ADGRV1: variants seen among roughly 807,000 people sequenced by gnomAD.
ADGRV1 encodes the protein G-protein coupled receptor 98.
A neutral mutation model predicts 596.2 loss-of-function variants in ADGRV1; 359 were observed. That is an observed-to-expected ratio of 0.60 (90% CI 0.55 to 0.66). ADGRV1 has a LOEUF of 0.66. Ranked by LOEUF, ADGRV1 falls within the 30% of genes least tolerant of loss-of-function variation. ADGRV1 has a pLI of 0.00. For synonymous variants in ADGRV1, 2,681 were observed against 2,679.2 expected (o/e 1.00, Z -0.02); for missense variants, 7,274 against 7,575.6 (o/e 0.96, Z 1.48).
At chr5:90,958,149 G>GGT (rs145446053) in intron 83 of ADGRV1, among the ~76,000 whole-genome samples, 3,090 of 151,644 alleles carry the variant, frequency 0.02, 110 homozygotes, top group African/African-American at 0.07. Context: ...ACAGGCCAGT[G>GGT]GTGCATGCCT....
At chr5:91,113,647 A>C (rs933592703) in intron 87 of ADGRV1, among the ~76,000 whole-genome samples, 1 of 152,222 alleles carries the variant, frequency 6.6e-6, no homozygotes, top group Non-Finnish European at 1.5e-5. Flanking sequence ...GGCTGGGTGC[A>C]GTGGCTCATG....
intron 87 of ADGRV1, among the ~76,000 whole-genome samples, chr5:91,138,154 C>A (rs1361308003): frequency 6.6e-6 from 1 of 151,912 alleles, no homozygotes; most frequent in Non-Finnish European, 1.5e-5. Context: ...TAGTGATTGC[C>A]CAACCATAAA....
At chr5:90,752,419 T>A (rs1449324053) in intron 53 of ADGRV1, among the ~76,000 whole-genome samples, 2 of 152,142 alleles carry the variant, frequency 1.3e-5, no homozygotes, top group African/African-American at 2.4e-5. Context: ...CTAGTACCCA[T>A]CAGTTATTTT....
intron 1 of ADGRV1, among the ~76,000 whole-genome samples, chr5:90,591,856 A>G (rs1759549592): frequency 6.6e-6 from 1 of 152,242 alleles, no homozygotes; most frequent in Non-Finnish European, 1.5e-5. Flanking sequence ...TATTACATAC[A>G]TTATTTCAGT....
chr5:90,615,809 T>C (rs1186517538), intron 2 of ADGRV1, among the ~76,000 whole-genome samples: 2 of 151,962 alleles, frequency 1.3e-5, no homozygotes, highest in African/African-American at 4.8e-5. Context: ...ATAATCTTTT[T>C]CATAAAATTT....
At chr5:90,838,323 C>T (rs1380137157) in intron 77 of ADGRV1, among the ~76,000 whole-genome samples, 1 of 151,204 alleles carries the variant, frequency 6.6e-6, no homozygotes, top group East Asian at 1.9e-4. Context: ...TTTGTAATAA[C>T]ACACCTTCCT....
chr5:90,900,074 C>A (rs1452976428), intron 83 of ADGRV1, among the ~76,000 whole-genome samples: 1 of 152,166 alleles, frequency 6.6e-6, no homozygotes, highest in African/African-American at 2.4e-5. Context: ...TACAAACTAA[C>A]AAAGCAGAAC....
At chr5:90,769,322 C>A (rs1004508902) in intron 59 of ADGRV1, among the ~76,000 whole-genome samples, 2 of 152,180 alleles carry the variant, frequency 1.3e-5, no homozygotes, top group African/African-American at 2.4e-5. Flanking sequence ...CTGTTTCCTT[C>A]CTGCCCCATC....
chr5:90,974,460 C>G (rs1779363906), intron 84 of ADGRV1, among the ~76,000 whole-genome samples: 1 of 152,108 alleles, frequency 6.6e-6, no homozygotes, highest in South Asian at 2.1e-4. Flanking sequence ...TAGTACAAGG[C>G]TACATTAACC....
intron 87 of ADGRV1, among the ~76,000 whole-genome samples, chr5:91,148,602 A>G (rs570636960): frequency 6.6e-6 from 1 of 152,152 alleles, no homozygotes; most frequent in Non-Finnish European, 1.5e-5. Context: ...TGGAGCCCTC[A>G]TAAAGAACCT....
At chr5:91,116,963 T>C (rs1792900054) in intron 87 of ADGRV1, among the ~76,000 whole-genome samples, 1 of 152,182 alleles carries the variant, frequency 6.6e-6, no homozygotes, top group Non-Finnish European at 1.5e-5. Flanking sequence ...ATTGCTAGAA[T>C]AGGGAGTACG....
chr5:90,777,160 G>A (rs778474547), intron 61 of ADGRV1, among the ~76,000 whole-genome samples: 3 of 152,156 alleles, frequency 2.0e-5, no homozygotes, highest in Non-Finnish European at 2.9e-5. Context: ...CGAAAGGAGA[G>A]CTGACGTGTC....
intron 48 of ADGRV1, among the ~76,000 whole-genome samples, chr5:90,728,081 T>C (rs1280507654): frequency 1.3e-5 from 2 of 152,230 alleles, no homozygotes; most frequent in Non-Finnish European, 2.9e-5. Context: ...ATAATGTCTG[T>C]GGCTCAAAAG....
At chr5:90,975,165 C>T (rs959202963) in intron 84 of ADGRV1, among the ~76,000 whole-genome samples, 43 of 151,538 alleles carry the variant, frequency 2.8e-4, no homozygotes, top group African/African-American at 9.7e-4. Flanking sequence ...CATCTCACAC[C>T]AGTTAGAATG....
intron 9 of ADGRV1, among the ~76,000 whole-genome samples, 181 bp from the exon 10 acceptor site, chr5:90,634,933 G>A (rs1561427089): frequency 1.3e-5 from 2 of 152,274 alleles, no homozygotes; most frequent in South Asian, 4.2e-4. Flanking sequence ...GGCAGAAAGA[G>A]CTCCAGAGGC....
chr5:90,909,853 G>A lies in ADGRV1; in HGVS notation c.17856+45996G>A, dbSNP rs199770240. Among the ~76,000 whole-genome samples the A allele has an allele frequency of 9.2e-5, 14 of 152,140 alleles. No individual in the cohort carries two copies. In the South Asian group the frequency reaches 2.7e-3, roughly 29 times the overall value. On this transcript the variant is annotated intron_variant, in intron 83 of 89. Transcript: ENST00000405460. ...AAAAAGTTTTTTTCTAAGAAATACA[G>A]TTATTTAAAATACAGAAGAAACAAA... is the stretch of plus-strand genomic sequence containing the variant.
At chr5:90,848,850 C>T (rs538990504) in intron 79 of ADGRV1, 29 bp downstream of exon 79, 8 of 1,478,538 alleles carry the variant, frequency 5.4e-6, no homozygotes, top group Non-Finnish European at 7.3e-6. Context: ...ATTAGCAGTA[C>T]CTTTTATGCA....
chr5:90,793,211 AAG>A (rs1760278397), intron 70 of ADGRV1: 1 of 152,242 alleles, frequency 6.6e-6, no homozygotes, highest in Non-Finnish European at 1.5e-5. Flanking sequence ...AAAATGGAAA[AAG>A]AGAAGTGGAT....
At chr5:91,013,042 A>T (rs1193663179) in intron 85 of ADGRV1, among the ~76,000 whole-genome samples, 1 of 152,032 alleles carries the variant, frequency 6.6e-6, no homozygotes, top group Non-Finnish European at 1.5e-5. Context: ...TGTTCCCACA[A>T]GAAAAACACA....
Sources: allele counts gnomAD v4.1 joint callset (sites outside exome capture counted in the v4.1 genomes callset), GRCh38; gene constraint gnomAD v4.1.1; transcripts MANE v1.5; gene names NCBI Gene and HGNC (gene_info 2026-07-23, HGNC 2026-07-21).